The following MOK variants were observed in gnomAD, a reference collection of about 807,000 sequenced individuals.
MOK encodes the protein MOK protein kinase.
MOK carries 59 observed loss-of-function variants against 54.2 expected under a neutral mutation model. The ratio of observed to expected loss-of-function variants is 1.09; its 90% CI spans 0.88 to 1.35. The LOEUF is 1.35. Among genes scored for constraint, MOK ranks in the 40% most tolerant of loss-of-function variants. The pLI is 0.00. For synonymous variants in MOK, 210 were observed against 202.7 expected, an observed-to-expected ratio of 1.04 and a Z score of -0.31; for missense variants, 517 against 526.2, an observed-to-expected ratio of 0.98 and a Z score of 0.17.
rs957686920 is a variant in MOK at position 102,249,169 on chromosome 14, G to A, written c.590+1643C>T. On this transcript the variant is annotated intron_variant, in intron 7 of 11. Coordinates refer to ENST00000361847, the MANE Select transcript of MOK (RefSeq NM_014226.3). The surrounding 1 kb of genome is among the most constrained non-coding windows in gnomAD (Gnocchi z 5.3). The stretch of plus-strand genomic sequence containing the variant: ...TTGTTTCCACTTTACCAATAGGTCC[G>A]ACATGTGTTTTCTAAGAGGCAAAAG... Among the ~76,000 whole-genome samples the A allele has an allele frequency of 5.3e-5, 8 of 152,232 alleles. No homozygotes were observed. In the East Asian group the frequency reaches 1.2e-3, roughly 22 times the overall value.
At chr14:102,278,635 A>G in intron 2 of MOK, 1 of 454,498 alleles carries the variant, frequency 2.2e-6, no homozygotes, top group Non-Finnish European at 4.4e-6. Flanking sequence ...CACGACGTGT[A>G]GGTTGGGTAG....
chr14:102,259,567 GAAT>G (rs1442606254), intron 4 of MOK, among the ~76,000 whole-genome samples: 1 of 152,160 alleles, frequency 6.6e-6, no homozygotes, highest in Non-Finnish European at 1.5e-5. Context: ...TGTAAAATGG[GAAT>G]AATAAATAGT....
At chr14:102,286,912 A>AATAATAAT (rs2070171196) in intron 1 of MOK, among the ~76,000 whole-genome samples, 3 of 145,508 alleles carry the variant, frequency 2.1e-5, no homozygotes, top group Admixed American at 1.4e-4. Flanking sequence ...TCCGTCTCAA[A>AATAATAAT]AATAATAATA....
intron 2 of MOK, among the ~76,000 whole-genome samples, chr14:102,282,035 A>G (rs1252376701): frequency 1.3e-5 from 2 of 152,206 alleles, no homozygotes; most frequent in African/African-American, 4.8e-5. Flanking sequence ...AAAATGTCAA[A>G]TTACCTCACA....
At chr14:102,291,158 C>T (rs887537987) in intron 1 of MOK, among the ~76,000 whole-genome samples, 2 of 152,166 alleles carry the variant, frequency 1.3e-5, no homozygotes, top group Admixed American at 6.5e-5. Context: ...GGTACCATAT[C>T]CCTTCTGACA....
intron 2 of MOK, among the ~76,000 whole-genome samples, chr14:102,277,933 C>T (rs1367052509): frequency 6.6e-6 from 1 of 152,148 alleles, no homozygotes; most frequent in Non-Finnish European, 1.5e-5. Flanking sequence ...TACGTTGAAA[C>T]CCTAAACCCC....
At position 102,250,809 on chromosome 14, in the gene MOK, T is replaced by G; in HGVS notation, c.590+3A>C. On this transcript the variant is annotated splice_donor_region_variant and intron_variant, in intron 7 of 11. Coordinates refer to ENST00000361847, the MANE Select transcript of MOK (RefSeq NM_014226.3). ...ACCAGGCAGGAGCCTGGCCTGGTGC[T>G]ACCTGGCGATCTCGTAGAACACACA... 1 of 1,612,658 alleles carries G rather than the reference T, an allele frequency of 6.2e-7. No individual in the cohort carries two copies. The highest frequency in any genetic ancestry group is 8.5e-7 in the Non-Finnish European group (1 of 1,179,114).
intron 2 of MOK, among the ~76,000 whole-genome samples, chr14:102,271,814 C>T (rs1371827868): frequency 6.6e-6 from 1 of 152,188 alleles, no homozygotes; most frequent in Non-Finnish European, 1.5e-5. Context: ...CCACCTCAGC[C>T]TCTCAAAGTG....
Position 102,232,761 on chromosome 14 carries a change from G to A in MOK, c.693-53C>T, listed in dbSNP as rs1231072881. The stretch of plus-strand genomic sequence containing the variant: ...TGGTCATGCTGTCACTGAGCGCACC[G>A]GTGGTCCACTGTCACAACTAAGGGC... On this transcript the variant is annotated intron_variant, in intron 8 of 11. Coordinates refer to ENST00000361847, the MANE Select transcript of MOK (RefSeq NM_014226.3). The surrounding 1 kb of genome is among the most constrained non-coding windows in gnomAD (Gnocchi z 5.1). 33 of 1,519,920 alleles carry A rather than the reference G, an allele frequency of 2.2e-5. No individual in the cohort carries two copies. Among genetic ancestry groups the A allele is most frequent in the African/African-American group, 1.2e-4 (9 of 73,008 alleles). 94.2% of individuals were successfully genotyped at this position (1,519,920 alleles called of 1,614,324 possible).
At position 102,234,555 on chromosome 14, in the gene MOK, G is replaced by A. The variant is rs1409869438; in HGVS notation, c.591-766C>T. On this transcript the variant is annotated intron_variant, in intron 7 of 11. Coordinates refer to ENST00000361847, the MANE Select transcript of MOK (RefSeq NM_014226.3). ...CTCCTCTATTCCTGACAAGTTCCGC[G>A]GGAAAGGGGACGTCACCGGCAGTCT... 1.1e-4 allele frequency among the ~76,000 whole-genome samples: 16 copies of A among 152,114 alleles called. No individual in the cohort carries two copies. In the East Asian group the frequency reaches 2.3e-3, roughly 22 times the overall value.
At chr14:102,246,626 C>T (rs1198349829) in intron 7 of MOK, among the ~76,000 whole-genome samples, 1 of 152,162 alleles carries the variant, frequency 6.6e-6, no homozygotes, top group Non-Finnish European at 1.5e-5. Context: ...AAGCTACCAT[C>T]CTGAAATCCT....
At chr14:102,266,827 C>T (rs2067954984) in intron 2 of MOK, among the ~76,000 whole-genome samples, 1 of 152,182 alleles carries the variant, frequency 6.6e-6, no homozygotes, top group African/African-American at 2.4e-5. Context: ...GGTGATCCAC[C>T]CACCTTGGCC....
chr14:102,285,695 C>A (rs575552438), intron 1 of MOK, among the ~76,000 whole-genome samples: 1 of 151,986 alleles, frequency 6.6e-6, no homozygotes, highest in African/African-American at 2.4e-5. Flanking sequence ...AGTTCGAGAC[C>A]AGTCTGGACA....
chr14:102,272,823 C>T (rs908697159), intron 2 of MOK, among the ~76,000 whole-genome samples: 9 of 152,158 alleles, frequency 5.9e-5, no homozygotes, highest in Non-Finnish European at 1.0e-4. Flanking sequence ...GAACACTTCC[C>T]CGCTACTTGC....
Position 102,229,487 on chromosome 14 carries a change from TC to T in MOK, c.1151del (p.Arg384AsnfsTer3), listed in dbSNP as rs767909211. 7.4e-6 allele frequency: 12 copies of T among 1,613,990 alleles called. No individual in the cohort carries two copies. The Admixed American group carries it at 2.0e-4, about 27-fold the overall frequency. ...TGCTCGCAGGGATGCACTTCAAGGGTCTCAGCACCGGCACTCTTCCATTTGT... is the reference window on the plus strand; with the variant it reads ...TGCTCGCAGGGATGCACTTCAAGGGTTCAGCACCGGCACTCTTCCATTTGT... ...SGTNGRVPVL[R>X]PLKCIPASKK... On this transcript the variant is annotated frameshift_variant, in exon 11 of 12. Transcript: ENST00000361847. LOFTEE classifies it low-confidence loss of function (END_TRUNC).
chr14:102,239,842 T>C (rs1056205276), intron 7 of MOK, among the ~76,000 whole-genome samples: 2 of 152,066 alleles, frequency 1.3e-5, no homozygotes, highest in African/African-American at 2.4e-5. Context: ...CACTCCAGCC[T>C]GGCGACAGGG....
chr14:102,248,933 T>C (rs2066311721), intron 7 of MOK, among the ~76,000 whole-genome samples: 1 of 152,126 alleles, frequency 6.6e-6, no homozygotes, highest in Non-Finnish European at 1.5e-5. Flanking sequence ...TATTTTTCCT[T>C]TCTCTCAGCT....
intron 7 of MOK, among the ~76,000 whole-genome samples, chr14:102,242,975 T>G (rs1462159551): frequency 6.6e-6 from 1 of 152,174 alleles, no homozygotes; most frequent in Non-Finnish European, 1.5e-5. Context: ...TTACCTGGGC[T>G]GTACTGCTGC....
downstream of MOK, chr14:102,226,274 T>A: frequency 1.4e-6 from 1 of 693,352 alleles, no homozygotes; most frequent in Non-Finnish European, 2.6e-6. The surrounding 1 kb of genome is among the most constrained non-coding windows in gnomAD (Gnocchi z 4.8). Flanking sequence ...GGTGGGTGGA[T>A]GAGGGTAGGC....
Sources: gnomAD v4.1 joint callset for allele counts (sites outside exome capture counted in the v4.1 genomes callset) on GRCh38, gnomAD v4.1.1 for gene constraint, Gnocchi (gnomAD v3.1) non-coding constraint, MANE v1.5 for transcripts, NCBI Gene and HGNC (gene_info 2026-07-23, HGNC 2026-07-21) for gene names.